The following ARL15 variants were observed in gnomAD, a reference collection of about 807,000 sequenced individuals.
ARL15 encodes the protein ARF like GTPase 15.
ARL15 carries 19 observed loss-of-function variants against 25.2 expected under a neutral mutation model. That is an observed-to-expected ratio of 0.75 (90% CI 0.53 to 1.10). ARL15 has a LOEUF of 1.10. Ranked by LOEUF, ARL15 falls within the 50% of genes least tolerant of loss-of-function variation. The pLI is 0.00. For synonymous variants in ARL15, 94 were observed against 86.8 expected (o/e 1.08, Z -0.46); for missense variants, 220 against 246.0 (o/e 0.89, Z 0.71).
At chr5:54,194,623 C>A (rs142920466) in intron 1 of ARL15, among the ~76,000 whole-genome samples, 3 of 152,098 alleles carry the variant, frequency 2.0e-5, no homozygotes, top group African/African-American at 7.2e-5. Flanking sequence ...TCTAATCTCA[C>A]CCTAATAAAA....
At chr5:54,003,712 CTA>C (rs1287241379) in intron 4 of ARL15, among the ~76,000 whole-genome samples, 44 of 130,174 alleles carry the variant, frequency 3.4e-4, no homozygotes, top group African/African-American at 9.7e-4. Flanking sequence ...ATCTATCTAT[CTA>C]TCTCTACTTT....
chr5:54,296,228 C>T (rs537067026), intron 1 of ARL15, among the ~76,000 whole-genome samples: 22 of 152,256 alleles, frequency 1.4e-4, no homozygotes, highest in African/African-American at 2.2e-4. Flanking sequence ...GAAAATGAAT[C>T]GAAATGGAGC....
At chr5:54,059,069 C>T (rs189924976) in intron 4 of ARL15, among the ~76,000 whole-genome samples, 5 of 152,304 alleles carry the variant, frequency 3.3e-5, no homozygotes, top group Admixed American at 3.3e-4. Context: ...CCAAGAAAGG[C>T]TTTAAATAAC....
intron 1 of ARL15, among the ~76,000 whole-genome samples, chr5:54,231,182 T>G (rs1756661355): frequency 1.3e-5 from 2 of 152,222 alleles, no homozygotes; most frequent in Admixed American, 6.5e-5. Context: ...CCTCTCAACT[T>G]GCTGCTCTGC....
At chr5:54,030,197 G>A (rs1350960437) in intron 4 of ARL15, among the ~76,000 whole-genome samples, 2 of 151,996 alleles carry the variant, frequency 1.3e-5, no homozygotes, top group African/African-American at 4.8e-5. Flanking sequence ...CTGAAAGTGA[G>A]TCAGGATATA....
chr5:53,989,518 C>A (rs1385836886), intron 4 of ARL15, among the ~76,000 whole-genome samples: 1 of 152,086 alleles, frequency 6.6e-6, no homozygotes, highest in Admixed American at 6.5e-5. Context: ...GATATATCTA[C>A]CCACTGTTGA....
chr5:53,890,776 G>A (rs559076916), intron 4 of ARL15, among the ~76,000 whole-genome samples: 47 of 152,238 alleles, frequency 3.1e-4, no homozygotes, highest in African/African-American at 1.1e-3. Flanking sequence ...CACACATCGC[G>A]TTTACTGTAA....
At chr5:54,071,662 G>A (rs967250631) in intron 4 of ARL15, among the ~76,000 whole-genome samples, 1 of 151,988 alleles carries the variant, frequency 6.6e-6, no homozygotes, top group African/African-American at 2.4e-5. Context: ...CAGGGAAAGT[G>A]GAAGCTGATT....
chr5:53,963,914 A>G (rs1747457280), intron 4 of ARL15, among the ~76,000 whole-genome samples: 1 of 152,158 alleles, frequency 6.6e-6, no homozygotes, highest in African/African-American at 2.4e-5. Flanking sequence ...TTCTGGAAAT[A>G]GTTAATTCTT....
chr5:54,303,266 G>A (rs762594059), intron 1 of ARL15, among the ~76,000 whole-genome samples: 2 of 152,086 alleles, frequency 1.3e-5, no homozygotes, highest in African/African-American at 2.4e-5. Context: ...TCACGCCTGT[G>A]ATCCTAGCAC....
intron 4 of ARL15, chr5:53,887,334 A>G (rs1486304308): frequency 2.9e-6 from 2 of 699,758 alleles, no homozygotes; most frequent in Admixed American, 4.0e-5. Flanking sequence ...AAATTTACAT[A>G]TATGCGTAAA....
chr5:54,118,369 G>A (rs1752970495), intron 3 of ARL15, among the ~76,000 whole-genome samples: 1 of 152,082 alleles, frequency 6.6e-6, no homozygotes, highest in Admixed American at 6.6e-5. Context: ...TATTAAACCA[G>A]ATTAAAAAGA....
At chr5:54,199,487 A>T (rs1184443988) in intron 1 of ARL15, among the ~76,000 whole-genome samples, 2 of 152,162 alleles carry the variant, frequency 1.3e-5, no homozygotes. Flanking sequence ...GGTGAAGGAC[A>T]TGAACAGACA....
chr5:54,283,535 C>T (rs1758111658), intron 1 of ARL15, among the ~76,000 whole-genome samples: 1 of 151,202 alleles, frequency 6.6e-6, no homozygotes, highest in African/African-American at 2.4e-5. Context: ...ATGACTGTAA[C>T]ATTATTGGGT....
At chr5:54,070,919 A>T (rs375658536) in intron 4 of ARL15, among the ~76,000 whole-genome samples, 2 of 152,240 alleles carry the variant, frequency 1.3e-5, no homozygotes, top group African/African-American at 4.8e-5. Context: ...CTGTAATCCC[A>T]GCGCTTTGGG....
chr5:54,201,147 C>T (rs761487271), intron 1 of ARL15, among the ~76,000 whole-genome samples: 1 of 152,032 alleles, frequency 6.6e-6, no homozygotes, highest in Non-Finnish European at 1.5e-5. Context: ...AAGACCAGAG[C>T]GCAATATCTC....
intron 4 of ARL15, among the ~76,000 whole-genome samples, chr5:54,015,543 A>G (rs1442481778): frequency 6.6e-6 from 1 of 152,204 alleles, no homozygotes; most frequent in Admixed American, 6.5e-5. Context: ...TACGGATATT[A>G]GACTCACAGA....
At chr5:53,904,462 A>T (rs1745174610) in intron 4 of ARL15, among the ~76,000 whole-genome samples, 1 of 152,238 alleles carries the variant, frequency 6.6e-6, no homozygotes, top group African/African-American at 2.4e-5. Flanking sequence ...AAGGTGAGTC[A>T]CTAAAACCAA....
intron 4 of ARL15, among the ~76,000 whole-genome samples, chr5:53,949,536 C>T (rs953408016): frequency 1.6e-4 from 24 of 152,134 alleles, no homozygotes; most frequent in Non-Finnish European, 1.6e-4. Context: ...ACATGGAAGA[C>T]AGCATGCATA....
Sources: gnomAD v4.1 joint callset for allele counts (sites outside exome capture counted in the v4.1 genomes callset) on GRCh38, gnomAD v4.1.1 for gene constraint, MANE v1.5 for transcripts, NCBI Gene and HGNC (gene_info 2026-07-23, HGNC 2026-07-21) for gene names.